KYAT1: variants seen among roughly 807,000 people sequenced by gnomAD.
KYAT1 encodes the protein kynurenine aminotransferase 1.
In KYAT1, 47 loss-of-function variants were observed where a neutral mutation model predicts 52.4. That is an observed-to-expected ratio of 0.90 (90% CI 0.71 to 1.14). The LOEUF (loss-of-function observed/expected upper bound fraction) is 1.14, where lower values mean the gene tolerates loss of function less well. Ranked by LOEUF, KYAT1 falls within the 50% of genes most tolerant of loss-of-function variation. The pLI is 0.00. For synonymous variants in KYAT1, 212 were observed against 209.6 expected, an observed-to-expected ratio of 1.01 and a Z score of -0.10; for missense variants, 480 against 557.9, an observed-to-expected ratio of 0.86 and a Z score of 1.41.
intron 1 of KYAT1, among the ~76,000 whole-genome samples, chr9:128,863,759 G>T (rs2130703462): frequency 6.6e-6 from 1 of 152,268 alleles, no homozygotes; most frequent in African/African-American, 2.4e-5. Context: ...GGGGCGCAAG[G>T]AGCCAGGCCC....
At chr9:128,857,190 T>C (rs181363599) in intron 1 of KYAT1, among the ~76,000 whole-genome samples, 44 of 152,304 alleles carry the variant, frequency 2.9e-4, no homozygotes, top group East Asian at 1.2e-3. Context: ...ATAGATTCTT[T>C]TGCTCACATG....
intron 1 of KYAT1, among the ~76,000 whole-genome samples, chr9:128,861,575 C>T (rs905818465): frequency 6.6e-6 from 1 of 152,214 alleles, no homozygotes; most frequent in Non-Finnish European, 1.5e-5. Flanking sequence ...AGAGCTCACC[C>T]TCTCGTTCCT....
intron 1 of KYAT1, among the ~76,000 whole-genome samples, chr9:128,859,229 T>G (rs1389987032): frequency 1.3e-5 from 2 of 148,730 alleles, no homozygotes; most frequent in African/African-American, 5.0e-5. Context: ...GGTGTGGTGG[T>G]GGGCACCTGT....
chr9:128,868,200 A>T (rs1836687555), intron 1 of KYAT1, among the ~76,000 whole-genome samples: 2 of 149,908 alleles, frequency 1.3e-5, no homozygotes, highest in South Asian at 4.2e-4. Context: ...TTTTTGAGTC[A>T]GAGTCTCACT....
In KYAT1 at chr9:128,838,377, C is replaced by T; in HGVS notation, c.202-10G>A. 1 of 1,614,016 alleles carries T rather than the reference C, an allele frequency of 6.2e-7. No individual in the cohort carries two copies. The highest frequency in any genetic ancestry group is 8.5e-7 in the Non-Finnish European group (1 of 1,179,994). On this transcript the variant is annotated splice_polypyrimidine_tract_variant and intron_variant, in intron 3 of 12. Transcript: ENST00000302586. ...TCAGTGGTGGGTAACCCTGCCAGGA[C>T]AGCAGGGGTTAACTGTCCAGCTCAG...
rs536926130 is a variant in KYAT1 at position 128,845,249 on chromosome 9, T to C, written c.53+104A>G. On this transcript the variant is annotated intron_variant, in intron 2 of 12. Transcript: ENST00000302586. Reference sequence around the variant, plus strand: ...GCTATGGCTGGAATCTGGCAGTCTGTGTACCGCCACCATCTGGAGTACTAC... The same window carrying C: ...GCTATGGCTGGAATCTGGCAGTCTGCGTACCGCCACCATCTGGAGTACTAC... The C allele has an allele frequency of 1.4e-4, 121 of 851,126 alleles. No individual in the cohort carries two copies. In the South Asian group the frequency reaches 1.8e-3, roughly 13 times the overall value. The allele number at this position is 851,126 out of a possible 1,614,324, so 52.7% of individuals were successfully genotyped here.
intron 1 of KYAT1, chr9:128,847,525 A>G: frequency 6.5e-7 from 1 of 1,535,470 alleles, no homozygotes; most frequent in African/African-American, 1.4e-5. Context: ...GCAGTCCTGA[A>G]CATGCCTCCC....
At chr9:128,859,515 A>G (rs1327552310) in intron 1 of KYAT1, among the ~76,000 whole-genome samples, 1 of 150,394 alleles carries the variant, frequency 6.6e-6, no homozygotes, top group African/African-American at 2.5e-5. Flanking sequence ...TAAAAATACA[A>G]AAATTAGCTG....
intron 1 of KYAT1, among the ~76,000 whole-genome samples, chr9:128,870,849 A>G (rs1242107181): frequency 6.6e-6 from 1 of 152,086 alleles, no homozygotes; most frequent in African/African-American, 2.4e-5. Context: ...TTGAAACTAC[A>G]GTGACATAAT....
In KYAT1 at chr9:128,852,418, T is replaced by C. The variant is rs560813141; in HGVS notation, c.-6-7007A>G. On this transcript the variant is annotated intron_variant, in intron 1 of 12. Coordinates refer to ENST00000302586, the MANE Select transcript of KYAT1 (RefSeq NM_004059.5). ...AAATAATAAAGAACCAGCCAGGTTT[T>C]AGTGGAAAGTGTTGCCTCAGTCCAA... Among the ~76,000 whole-genome samples the C allele has an allele frequency of 1.3e-4, 20 of 152,394 alleles. No homozygotes were observed. In the East Asian group the frequency reaches 3.9e-3, roughly 29 times the overall value.
intron 1 of KYAT1, chr9:128,846,999 T>C (rs1474090075): frequency 2.1e-5 from 16 of 764,412 alleles, no homozygotes; most frequent in Non-Finnish European, 3.0e-5. Flanking sequence ...CTCAGGTACC[T>C]GCCCAGGGTC....
chr9:128,845,807 C>T (rs188689881), intron 1 of KYAT1, among the ~76,000 whole-genome samples: 2 of 152,280 alleles, frequency 1.3e-5, no homozygotes, highest in African/African-American at 4.8e-5. Flanking sequence ...AGGATAATGG[C>T]AACAGTGACA....
At chr9:128,834,736 G>T (rs150620250) in intron 11 of KYAT1, among the ~76,000 whole-genome samples, 216 of 151,482 alleles carry the variant, frequency 1.4e-3, no homozygotes, top group African/African-American at 4.7e-3. Flanking sequence ...GGAGGCTAAG[G>T]GAGGAGAATC....
intron 1 of KYAT1, among the ~76,000 whole-genome samples, chr9:128,878,598 T>C (rs1272086278): frequency 6.6e-6 from 1 of 152,208 alleles, no homozygotes; most frequent in East Asian, 1.9e-4. Context: ...GCCAATGTTT[T>C]CCTGGAGAGA....
At chr9:128,856,294 C>G (rs937524051) in intron 1 of KYAT1, among the ~76,000 whole-genome samples, 1 of 152,194 alleles carries the variant, frequency 6.6e-6, no homozygotes, top group Non-Finnish European at 1.5e-5. Context: ...TGGGTTAAAA[C>G]CACTGGAAGT....
At chr9:128,881,652 C>G (rs942877766) in intron 1 of KYAT1, among the ~76,000 whole-genome samples, 3 of 152,100 alleles carry the variant, frequency 2.0e-5, no homozygotes, top group African/African-American at 7.2e-5. Flanking sequence ...TCTCCACCGG[C>G]GCGGTCGTGG....
intron 1 of KYAT1, among the ~76,000 whole-genome samples, chr9:128,871,545 C>T (rs1205930869): frequency 1.3e-5 from 2 of 151,804 alleles, no homozygotes; most frequent in African/African-American, 4.8e-5. Context: ...CTTGTCTCTA[C>T]AAATAATTTT....
intron 1 of KYAT1, among the ~76,000 whole-genome samples, chr9:128,850,470 T>C (rs1459003476): frequency 1.3e-5 from 2 of 152,196 alleles, no homozygotes; most frequent in Non-Finnish European, 2.9e-5. Flanking sequence ...ACAAAATGTT[T>C]ACAAGCAGTA....
intron 1 of KYAT1, among the ~76,000 whole-genome samples, chr9:128,876,409 C>CTTTTTT (rs71383618): frequency 1.6e-5 from 2 of 124,538 alleles, no homozygotes; most frequent in Non-Finnish European, 1.6e-5. Flanking sequence ...ATCCTTTGTT[C>CTTTTTT]TTTTTTTTTT....
Sources: gnomAD v4.1 joint callset for allele counts (sites outside exome capture counted in the v4.1 genomes callset) on GRCh38, gnomAD v4.1.1 for gene constraint, MANE v1.5 for transcripts, NCBI Gene and HGNC (gene_info 2026-07-23, HGNC 2026-07-21) for gene names.